Variants in PNPLA1 observed in about 807,000 individuals in gnomAD.
The protein encoded by PNPLA1 is omega-hydroxyceramide transacylase.
In PNPLA1, 36 loss-of-function variants were observed where a neutral mutation model predicts 51.7. The ratio of observed to expected loss-of-function variants is 0.70; its 90% CI spans 0.53 to 0.92. The LOEUF is 0.92. Ranked by LOEUF, PNPLA1 falls within the 40% of genes least tolerant of loss-of-function variation. PNPLA1 has a pLI of 0.00. For synonymous variants in PNPLA1, 293 were observed against 280.1 expected (o/e 1.05, Z -0.46); for missense variants, 658 against 682.5 (o/e 0.96, Z 0.40).
chr6:36,291,560 GGCTGGGCT>G lies in PNPLA1; in HGVS notation c.438+10_438+17del. The G allele has an allele frequency of 7.0e-7, 1 of 1,436,240 alleles. No individual in the cohort carries two copies. The highest frequency in any genetic ancestry group is 9.6e-7 in the Non-Finnish European group (1 of 1,037,150). The allele number at this position is 1,436,240 out of a possible 1,614,324, so 89.0% of individuals were successfully genotyped here. A position where few individuals can be genotyped will look rare whatever the true frequency, so the allele number is the denominator to read the frequency against. ...AAGGAGGAGCTCATTGAGGCAAGGG[GGCTGGGCT>G]GGGAGGGAGGGACACGGAGGGGGCG... On this transcript the variant is annotated intron_variant, in intron 2 of 8. Transcript: ENST00000636260.
chr6:36,260,725 A>T (rs1218161808), intron 1 of PNPLA1, among the ~76,000 whole-genome samples: 3 of 152,340 alleles, frequency 2.0e-5, no homozygotes, highest in Non-Finnish European at 4.4e-5. Flanking sequence ...TTAAAATATC[A>T]TACAGATGAA....
In PNPLA1 at chr6:36,294,064, G is replaced by A; in HGVS notation, c.505-126G>A. On this transcript the variant is annotated intron_variant, in intron 3 of 8. Transcript: ENST00000636260. The surrounding 1 kb of genome is among the most constrained non-coding windows in gnomAD (Gnocchi z 4.2). ...CTCCGTCTCCAGGCTTATCCTGAGG[G>A]GTCTTCTGGATCTTCCTTGATGGGC... is the stretch of plus-strand genomic sequence containing the variant. 1 of 1,101,778 alleles carries A rather than the reference G, an allele frequency of 9.1e-7. No individual in the cohort carries two copies. The highest frequency in any genetic ancestry group is 1.3e-6 in the Non-Finnish European group (1 of 767,558). 68.3% of individuals were successfully genotyped at this position (1,101,778 alleles called of 1,614,324 possible).
At chr6:36,295,070 G>A (rs1770815670) in intron 4 of PNPLA1, among the ~76,000 whole-genome samples, 1 of 152,180 alleles carries the variant, frequency 6.6e-6, no homozygotes, top group African/African-American at 2.4e-5. Flanking sequence ...TCTTCATATG[G>A]CCCCAGTGCA....
chr6:36,260,296 T>G (rs998409874), intron 1 of PNPLA1, among the ~76,000 whole-genome samples: 1 of 151,892 alleles, frequency 6.6e-6, no homozygotes, highest in African/African-American at 2.4e-5. Flanking sequence ...CCCTAAAATA[T>G]AAAAATAAGG....
At position 36,301,950 on chromosome 6, in the gene PNPLA1, T is replaced by G; in HGVS notation, c.865T>G (p.Cys289Gly). Residue 289 changes from cysteine (C) to glycine (G), a missense_variant, in exon 6 of 9, where the codon TGC becomes GGC. Cys to Gly is a radical substitution (Grantham distance 159). Coordinates refer to ENST00000636260, the MANE Select transcript of PNPLA1 (RefSeq NM_001374623.1). ...CQIELALGNE[C>G]PERSQPSLRA... ...GATAGAACTCGCCCTTGGCAATGAG[T>G]GCCCTGAACGCAGTCAACCAAGCCT... 6.2e-7 allele frequency: 1 copy of G among 1,614,084 alleles called. No individual in the cohort carries two copies. The highest frequency in any genetic ancestry group is 1.6e-4 in the Middle Eastern group (1 of 6,062).
intron 1 of PNPLA1, among the ~76,000 whole-genome samples, chr6:36,289,371 C>T (rs913346767): frequency 6.6e-6 from 1 of 152,152 alleles, no homozygotes; most frequent in Non-Finnish European, 1.5e-5. Flanking sequence ...CCTCAGTGAT[C>T]CAACACCTTG....
intron 8 of PNPLA1, among the ~76,000 whole-genome samples, 161 bp from the exon 9 acceptor site, chr6:36,311,602 C>A (rs1771409968): frequency 6.6e-6 from 1 of 152,190 alleles, no homozygotes; most frequent in Non-Finnish European, 1.5e-5. Context: ...CCCAGCATTT[C>A]TCTGGGCTCG....
chr6:36,265,362 A>AC (rs1256761096), upstream of PNPLA1, among the ~76,000 whole-genome samples: 31 of 151,874 alleles, frequency 2.0e-4, no homozygotes, highest in Non-Finnish European at 7.4e-5. Flanking sequence ...AAGTTATCAG[A>AC]CCCCCACTGT....
Position 36,313,483 on chromosome 6 carries a change from A to G in PNPLA1, c.*1597A>G, listed in dbSNP as rs1771449809. Among the ~76,000 whole-genome samples, 1 of 152,204 alleles carries G rather than the reference A, an allele frequency of 6.6e-6. No individual in the cohort carries two copies. Among genetic ancestry groups the G allele is most frequent in the African/African-American group, 2.4e-5 (1 of 41,454 alleles). ...TGGAGCCTGAGGAGACCATATGCAAATTTAAGCCTGGTGGGGCTGGGGATT... is the reference window on the plus strand; with the variant it reads ...TGGAGCCTGAGGAGACCATATGCAAGTTTAAGCCTGGTGGGGCTGGGGATT... On this transcript the variant is annotated 3_prime_UTR_variant, in exon 9 of 9. Coordinates refer to ENST00000636260, the MANE Select transcript of PNPLA1 (RefSeq NM_001374623.1).
At position 36,309,189 on chromosome 6, in the gene PNPLA1, G is replaced by A. The variant is rs564253227; in HGVS notation, c.1595+1477G>A. Among the ~76,000 whole-genome samples the A allele has an allele frequency of 2.2e-4, 33 of 152,246 alleles. No individual in the cohort carries two copies. The South Asian group carries it at 5.0e-3, about 23-fold the overall frequency. Reference sequence around the variant, plus strand: ...ATGAGTGGTGGGAAGCAGTATGGTAGCGGAGATTCTGAGAGCTGCTGCAGG... The same window carrying A: ...ATGAGTGGTGGGAAGCAGTATGGTAACGGAGATTCTGAGAGCTGCTGCAGG... On this transcript the variant is annotated intron_variant, in intron 8 of 8. Coordinates refer to ENST00000636260, the MANE Select transcript of PNPLA1 (RefSeq NM_001374623.1).
At chr6:36,253,534 G>A (rs532381405) in intron 1 of PNPLA1, among the ~76,000 whole-genome samples, 25 of 152,208 alleles carry the variant, frequency 1.6e-4, no homozygotes, top group African/African-American at 5.3e-4. Context: ...TAGATGCAGT[G>A]GTGTGATCAT....
At chr6:36,282,772 A>C (rs1770359470) in intron 1 of PNPLA1, among the ~76,000 whole-genome samples, 1 of 151,916 alleles carries the variant, frequency 6.6e-6, no homozygotes, top group African/African-American at 2.4e-5. Flanking sequence ...TGCAACCTCC[A>C]CCTCCTGGGT....
chr6:36,270,703 G>T, intron 1 of PNPLA1, 39 bp downstream of exon 1: 1 of 1,545,482 alleles, frequency 6.5e-7, no homozygotes, highest in South Asian at 1.2e-5. Context: ...AAGTCTCTTG[G>T]GGGATTCCAC....
chr6:36,291,250 C>T, intron 1 of PNPLA1, 70 bp from the exon 2 acceptor site: 1 of 1,282,370 alleles, frequency 7.8e-7, no homozygotes, highest in Non-Finnish European at 1.1e-6. Flanking sequence ...GGAGAAACCA[C>T]CCTAGACCTC....
chr6:36,286,965 C>T (rs1180181394), intron 1 of PNPLA1, among the ~76,000 whole-genome samples: 1 of 152,120 alleles, frequency 6.6e-6, no homozygotes, highest in African/African-American at 2.4e-5. Flanking sequence ...GGATTACAGG[C>T]ATGAACCACC....
chr6:36,274,547 A>G (rs190460736), intron 1 of PNPLA1, among the ~76,000 whole-genome samples: 2 of 152,260 alleles, frequency 1.3e-5, no homozygotes, highest in African/African-American at 4.8e-5. Context: ...TGTCGTTACA[A>G]CCATCCTTGT....
At chr6:36,260,306 G>A (rs1769619428) in intron 1 of PNPLA1, among the ~76,000 whole-genome samples, 1 of 151,776 alleles carries the variant, frequency 6.6e-6, no homozygotes, top group African/African-American at 2.4e-5. Context: ...TAAAAATAAG[G>A]ATAAAAAATA....
At chr6:36,295,885 G>T (rs1174680652) in intron 5 of PNPLA1, among the ~76,000 whole-genome samples, 1 of 152,180 alleles carries the variant, frequency 6.6e-6, no homozygotes, top group Non-Finnish European at 1.5e-5. Flanking sequence ...ACAGAGAAGA[G>T]CCCTTGCCCT....
intron 1 of PNPLA1, among the ~76,000 whole-genome samples, chr6:36,285,786 T>C: frequency 6.6e-6 from 1 of 152,154 alleles, no homozygotes; most frequent in East Asian, 1.9e-4. Flanking sequence ...AATAAACGCA[T>C]GTACAATTAT....
Sources: gnomAD v4.1 joint callset for allele counts (sites outside exome capture counted in the v4.1 genomes callset) on GRCh38, gnomAD v4.1.1 for gene constraint, Gnocchi (gnomAD v3.1) non-coding constraint, MANE v1.5 for transcripts, NCBI Gene and HGNC (gene_info 2026-07-23, HGNC 2026-07-21) for gene names.